FHIT: variants seen among roughly 807,000 people sequenced by gnomAD.
FHIT encodes bis(5'-adenosyl)-triphosphatase.
FHIT carries 19 observed loss-of-function variants against 17.9 expected under a neutral mutation model. The ratio of observed to expected loss-of-function variants is 1.06; its 90% CI spans 0.74 to 1.56. The LOEUF (loss-of-function observed/expected upper bound fraction) is 1.56. Ranked by LOEUF, FHIT falls within the 40% of genes most tolerant of loss-of-function variation. The probability of loss-of-function intolerance (pLI) is 0.00; values close to 1 mark genes in which losing one functional copy is unlikely to be tolerated. For synonymous variants in FHIT, 81 were observed against 69.7 expected, an observed-to-expected ratio of 1.16 and a Z score of -0.81; for missense variants, 248 against 189.2, an observed-to-expected ratio of 1.31 and a Z score of -1.82.
intron 4 of FHIT, among the ~76,000 whole-genome samples, chr3:60,789,394 T>C (rs1700702361): frequency 6.6e-6 from 1 of 152,128 alleles, no homozygotes. Flanking sequence ...GGTGCACACC[T>C]GTACTCCCAG....
At chr3:59,990,961 G>A (rs566777257) in intron 7 of FHIT, among the ~76,000 whole-genome samples, 1 of 151,964 alleles carries the variant, frequency 6.6e-6, no homozygotes, top group South Asian at 2.1e-4. Flanking sequence ...AGTTGAACAG[G>A]GTTATCAATT....
chr3:60,329,270 C>T (rs1002272905), intron 5 of FHIT, among the ~76,000 whole-genome samples: 2 of 151,846 alleles, frequency 1.3e-5, no homozygotes, highest in African/African-American at 2.4e-5. Context: ...GATCACTGTT[C>T]TCTAGCTGAG....
chr3:59,781,750 T>A (rs1317264690), intron 8 of FHIT, among the ~76,000 whole-genome samples: 1 of 152,248 alleles, frequency 6.6e-6, no homozygotes, highest in Non-Finnish European at 1.5e-5. Context: ...GACATTTTTT[T>A]ATCTCTACCT....
intron 5 of FHIT, among the ~76,000 whole-genome samples, chr3:60,143,589 C>T (rs1003030558): frequency 1.3e-5 from 2 of 152,022 alleles, no homozygotes; most frequent in Non-Finnish European, 2.9e-5. Flanking sequence ...TTTTAAACTT[C>T]AGAGTTTTGG....
At chr3:60,590,258 A>G (rs2038041563) in intron 4 of FHIT, among the ~76,000 whole-genome samples, 2 of 152,056 alleles carry the variant, frequency 1.3e-5, no homozygotes, top group African/African-American at 4.8e-5. Flanking sequence ...ATCTAATTCA[A>G]ATGACATCTA....
chr3:61,067,448 C>G (rs149171639), intron 2 of FHIT, among the ~76,000 whole-genome samples: 174 of 152,266 alleles, frequency 1.1e-3, no homozygotes, highest in African/African-American at 3.9e-3. Context: ...ATTGTCCCAG[C>G]AACTATGTAT....
Position 60,543,973 on chromosome 3 carries a change from T to C in FHIT, c.-17-6994A>G, listed in dbSNP as rs192121759. 9.7e-5 allele frequency among the ~76,000 whole-genome samples: 14 copies of C among 143,810 alleles called. No homozygotes were observed. In the East Asian group the frequency reaches 2.5e-3, roughly 26 times the overall value. 94.3% of individuals were successfully genotyped at this position (143,810 alleles called of 152,430 possible). A position where few individuals can be genotyped will look rare whatever the true frequency, so the allele number is the denominator to read the frequency against. On this transcript the variant is annotated intron_variant, in intron 4 of 9. Coordinates refer to ENST00000492590, the MANE Select transcript of FHIT (RefSeq NM_002012.4). ...CAGGGTTTCACTGTGTTAGCCAGGA[T>C]AGTCTTGATCTCCTGACCTCATGAT...
At chr3:59,932,513 T>C (rs1219594757) in intron 7 of FHIT, among the ~76,000 whole-genome samples, 1 of 152,182 alleles carries the variant, frequency 6.6e-6, no homozygotes, top group Non-Finnish European at 1.5e-5. Context: ...AAGGGAGCTG[T>C]TGTCATAGTT....
chr3:60,823,271 G>T (rs767392631), intron 3 of FHIT, among the ~76,000 whole-genome samples: 1 of 152,156 alleles, frequency 6.6e-6, no homozygotes, highest in Non-Finnish European at 1.5e-5. Context: ...AAGGGAGATG[G>T]TGAGTACTAT....
Position 60,935,466 on chromosome 3 carries a change from A to T in FHIT, c.-111+106581T>A, listed in dbSNP as rs531278087. Among the ~76,000 whole-genome samples the T allele has an allele frequency of 6.6e-5, 10 of 152,362 alleles. No homozygotes were observed. In the South Asian group the frequency reaches 1.2e-3, roughly 19 times the overall value. On this transcript the variant is annotated intron_variant, in intron 3 of 9. Transcript: ENST00000492590. Reference sequence around the variant, plus strand: ...GAGGTAAATGAGATGTTATTATTTTATCCAGGATACAGGACTGGAATCATT... The same window carrying T: ...GAGGTAAATGAGATGTTATTATTTTTTCCAGGATACAGGACTGGAATCATT...
At chr3:61,015,742 T>C (rs1388246227) in intron 3 of FHIT, among the ~76,000 whole-genome samples, 1 of 152,168 alleles carries the variant, frequency 6.6e-6, no homozygotes, top group Admixed American at 6.5e-5. Flanking sequence ...TCCACTTTAG[T>C]ATAGCAATTA....
chr3:60,417,837 A>G (rs981892966), intron 5 of FHIT, among the ~76,000 whole-genome samples: 3 of 152,170 alleles, frequency 2.0e-5, no homozygotes, highest in Non-Finnish European at 4.4e-5. Flanking sequence ...CTCAGGCTGT[A>G]ATGGATCCCA....
At chr3:60,499,414 C>T (rs1326125809) in intron 5 of FHIT, among the ~76,000 whole-genome samples, 2 of 152,166 alleles carry the variant, frequency 1.3e-5, no homozygotes, top group East Asian at 1.9e-4. Flanking sequence ...GTTTTTGAAA[C>T]GGAGTCTCGC....
At chr3:59,762,130 G>A (rs558334688) in intron 8 of FHIT, among the ~76,000 whole-genome samples, 2 of 152,140 alleles carry the variant, frequency 1.3e-5, no homozygotes, top group Non-Finnish European at 2.9e-5. Context: ...GGCGGGTAGT[G>A]TAGACAACAT....
intron 3 of FHIT, among the ~76,000 whole-genome samples, chr3:60,958,174 C>T (rs1186883416): frequency 6.6e-6 from 1 of 152,206 alleles, no homozygotes; most frequent in Non-Finnish European, 1.5e-5. Flanking sequence ...AAATCCTTCA[C>T]AGCACCTCCT....
At chr3:60,407,205 A>T (rs1701896417) in intron 5 of FHIT, among the ~76,000 whole-genome samples, 2 of 151,112 alleles carry the variant, frequency 1.3e-5, no homozygotes, top group South Asian at 4.2e-4. Context: ...TGGAGCCAGG[A>T]TATGATATTT....
intron 7 of FHIT, among the ~76,000 whole-genome samples, chr3:59,992,457 G>A (rs1214916715): frequency 6.6e-6 from 1 of 151,990 alleles, no homozygotes; most frequent in Non-Finnish European, 1.5e-5. Flanking sequence ...TAAATCCAAA[G>A]TATTTCCCTA....
At position 59,822,244 on chromosome 3, in the gene FHIT, G is replaced by C. The variant is rs147561248; in HGVS notation, c.349-69923C>G. Among the ~76,000 whole-genome samples, 318 of 152,254 alleles carry C rather than the reference G, an allele frequency of 2.1e-3. 2 individuals carry two copies. Among genetic ancestry groups the C allele is most frequent in the African/African-American group, 7.3e-3 (303 of 41,548 alleles). On this transcript the variant is annotated intron_variant, in intron 8 of 9. Coordinates refer to ENST00000492590, the MANE Select transcript of FHIT (RefSeq NM_002012.4). ...CCATATTTTTGCAATTGTGAATTGTGCTGCTATGAACATGTGTGTGCAAGT... is the reference window on the plus strand; with the variant it reads ...CCATATTTTTGCAATTGTGAATTGTCCTGCTATGAACATGTGTGTGCAAGT...
intron 5 of FHIT, among the ~76,000 whole-genome samples, chr3:60,468,981 A>G (rs2032942729): frequency 6.6e-6 from 1 of 152,112 alleles, no homozygotes; most frequent in Non-Finnish European, 1.5e-5. Context: ...GAGTACTTTA[A>G]ATATGTAATA....
Sources: allele counts gnomAD v4.1 joint callset (sites outside exome capture counted in the v4.1 genomes callset), GRCh38; gene constraint gnomAD v4.1.1; transcripts MANE v1.5; gene names NCBI Gene and HGNC (gene_info 2026-07-23, HGNC 2026-07-21).